Variants in NOP14 observed in about 807,000 individuals in gnomAD.
NOP14 encodes NOP14 nucleolar protein.
NOP14 carries 57 observed loss-of-function variants against 101.6 expected under a neutral mutation model. That is an observed-to-expected ratio of 0.56 (90% confidence interval 0.45 to 0.70). The LOEUF is 0.70. NOP14 is among the 30% of genes least tolerant of loss of function. NOP14 has a pLI of 0.00. For missense variants in NOP14, 1,134 were observed against 1,075.5 expected, an observed-to-expected ratio of 1.05 and a Z score of -0.76; for synonymous variants, 428 against 424.0, an observed-to-expected ratio of 1.01 and a Z score of -0.12.
In NOP14 at chr4:2,947,537, A is replaced by T. The variant is rs777009233; in HGVS notation, c.1488T>A (p.Asp496Glu). The T allele has an allele frequency of 1.9e-6, 3 of 1,612,776 alleles. No individual in the cohort carries two copies. Among genetic ancestry groups the T allele is most frequent in the Non-Finnish European group, 2.5e-6 (3 of 1,178,764 alleles). The change falls in exon 10 of 18, where the codon GAT becomes GAA. Residue 496 changes from aspartate to glutamate, a missense_variant. Physicochemically the swap from Asp to Glu is conservative, Grantham distance 45. Transcript: ENST00000416614. ...CCATTTTTACTTACACAACCAACTTATCAATGACTGTGAGGTCTGGTGGGT... is the reference window on the plus strand; with the variant it reads ...CCATTTTTACTTACACAACCAACTTTTCAATGACTGTGAGGTCTGGTGGGT... ...TDDPPDLTVI[D>E]KLVVHLYHLC...
At chr4:2,957,528 G>A (rs1428391401) in intron 2 of NOP14, 78 bp downstream of exon 2, 2 of 1,538,638 alleles carry the variant, frequency 1.3e-6, no homozygotes, top group African/African-American at 1.4e-5. Context: ...TGCAAAACAT[G>A]CAGAGTCAGC....
chr4:2,947,744 G>A (rs560941859), intron 9 of NOP14, 133 bp from the exon 10 acceptor site: 9 of 701,396 alleles, frequency 1.3e-5, no homozygotes, highest in Middle Eastern at 2.4e-4. Context: ...TGACAGACAC[G>A]AGCAGCCTTC....
In NOP14 at chr4:2,938,273, A is replaced by G. The variant is rs1713813615; in HGVS notation, c.*558T>C. The G allele has an allele frequency of 4.0e-6, 5 of 1,258,974 alleles. No individual in the cohort carries two copies. The highest frequency in any genetic ancestry group is 2.3e-5 in the Admixed American group (1 of 43,420). 78.0% of individuals were successfully genotyped at this position (1,258,974 alleles called of 1,614,324 possible). A position where few individuals can be genotyped will look rare whatever the true frequency, so the allele number is the denominator to read the frequency against. Reference sequence around the variant, plus strand: ...TGGCTGGGTGCTGTGGCTCACACCTATAATTGGGGGGCCAAGGCAGGTGGA... The same window carrying G: ...TGGCTGGGTGCTGTGGCTCACACCTGTAATTGGGGGGCCAAGGCAGGTGGA... On this transcript the variant is annotated 3_prime_UTR_variant, in exon 18 of 18. Transcript: ENST00000416614.
At chr4:2,939,898 T>C (rs368319039) in intron 15 of NOP14, among the ~76,000 whole-genome samples, 10 of 152,308 alleles carry the variant, frequency 6.6e-5, no homozygotes, top group East Asian at 1.9e-4. Flanking sequence ...GGCTGGCCCC[T>C]GAGAGCACTC....
intron 3 of NOP14, 65 bp downstream of exon 3, chr4:2,956,605 C>T (rs1028148389): frequency 5.4e-6 from 8 of 1,490,336 alleles, no homozygotes; most frequent in Non-Finnish European, 7.2e-6. Context: ...AGCAGAAGGT[C>T]TAACAATGAA....
In NOP14 at chr4:2,952,400, A is replaced by C; in HGVS notation, c.748-3T>G. The stretch of plus-strand genomic sequence containing the variant: ...ACCATCATGTCATATGCATCGGGCT[A>C]AGGTAGAAAGAAGAAATTCTTCATT... On this transcript the variant is annotated splice_region_variant and splice_polypyrimidine_tract_variant and intron_variant, in intron 5 of 17. Transcript: ENST00000416614. 6.3e-7 allele frequency: 1 copy of C among 1,577,994 alleles called. No homozygotes were observed. The highest frequency in any genetic ancestry group is 8.6e-7 in the Non-Finnish European group (1 of 1,164,822).
chr4:2,959,349 C>G lies in NOP14; in HGVS notation c.196-1609G>C, dbSNP rs376282413. Among the ~76,000 whole-genome samples, 3 of 152,132 alleles carry G rather than the reference C, an allele frequency of 2.0e-5. 1 individual carries two copies. Among genetic ancestry groups the G allele is most frequent in the Non-Finnish European group, 4.4e-5 (3 of 68,024 alleles). The stretch of plus-strand genomic sequence containing the variant: ...GGCTCACGCCTGTAATTCCAGCACT[C>G]TGGGAGGCCAAGGCGGGCGGATCAC... On this transcript the variant is annotated intron_variant, in intron 1 of 17. Coordinates refer to ENST00000416614, the MANE Select transcript of NOP14 (RefSeq NM_001291978.2).
At chr4:2,958,465 A>G (rs768710755) in intron 1 of NOP14, among the ~76,000 whole-genome samples, 2 of 152,136 alleles carry the variant, frequency 1.3e-5, no homozygotes, top group African/African-American at 4.8e-5. Flanking sequence ...AACTTCTTCT[A>G]TTTGCTAAGG....
chr4:2,948,496 C>G, intron 8 of NOP14, 88 bp from the exon 9 acceptor site: 1 of 1,106,330 alleles, frequency 9.0e-7, no homozygotes, highest in Non-Finnish European at 1.2e-6. Context: ...GCTCTGTTGC[C>G]CAGGCTGGAG....
chr4:2,950,305 G>T (rs1332998573), intron 7 of NOP14, 92 bp from the exon 8 acceptor site: 1 of 1,369,874 alleles, frequency 7.3e-7, no homozygotes. Context: ...CCCACATCAG[G>T]GCTTTCTACG....
chr4:2,957,838 A>C, intron 1 of NOP14, 98 bp from the exon 2 acceptor site: 1 of 1,238,150 alleles, frequency 8.1e-7, no homozygotes. Flanking sequence ...AGGGCTATGC[A>C]CAGTGATGTC....
rs1055748280 is a variant in NOP14, at chr4:2,938,529, G to A, written c.*302C>T. The A allele has an allele frequency of 3.2e-5, 13 of 402,092 alleles. No homozygotes were observed. The highest frequency in any genetic ancestry group is 1.4e-4 in the African/African-American group (7 of 48,596). 24.9% of individuals were successfully genotyped at this position (402,092 alleles called of 1,614,324 possible). ...CAAAAAAAAAAATTTTTTTTTAAGC[G>A]ACACAGTCTTGCACTGTGGCCGAGG... On this transcript the variant is annotated 3_prime_UTR_variant, in exon 18 of 18. Transcript: ENST00000416614.
rs540479996 is a variant in NOP14 at position 2,953,560 on chromosome 4, G to A, written c.698C>T (p.Ser233Phe). ...GTTCTCTGACTTGGGAGTTTTGTGG[G>A]ACAGGAGAGTCTGAATTTCTTTCCA... ...QDWKEIQTLL[S>F]HKTPKSENRD... Residue 233 changes from serine to phenylalanine, a missense_variant, in exon 5 of 18, where the codon TCC (serine) becomes TTC (phenylalanine). Coordinates refer to ENST00000416614, the MANE Select transcript of NOP14 (RefSeq NM_001291978.2). 20 of 1,614,202 alleles carry A rather than the reference G, an allele frequency of 1.2e-5. No individual in the cohort carries two copies. In the South Asian group the frequency reaches 1.6e-4, roughly 13 times the overall value.
In NOP14 at chr4:2,938,816, T is replaced by G; in HGVS notation, c.*15A>C. On this transcript the variant is annotated 3_prime_UTR_variant, in exon 18 of 18. Coordinates refer to ENST00000416614, the MANE Select transcript of NOP14 (RefSeq NM_001291978.2). ...AGGTAATGTCCAGTTCCTTGCCTTATTTATAAAATGTAATTTATTTTTTGA... is the reference window on the plus strand; with the variant it reads ...AGGTAATGTCCAGTTCCTTGCCTTAGTTATAAAATGTAATTTATTTTTTGA... 6.2e-7 allele frequency: 1 copy of G among 1,601,206 alleles called. No homozygotes were observed. Among genetic ancestry groups the G allele is most frequent in the South Asian group, 1.1e-5 (1 of 90,680 alleles).
intron 1 of NOP14, among the ~76,000 whole-genome samples, chr4:2,959,227 C>T (rs1715539529): frequency 6.6e-6 from 1 of 152,206 alleles, no homozygotes; most frequent in African/African-American, 2.4e-5. Context: ...TCAACTGACA[C>T]ACGCTGAGTT....
rs780203533 is a variant in NOP14, at chr4:2,963,185, G to T, written c.135C>A (p.Gly45=). ...KVNRQKFQIL[G]RKTRHDVGLP... ...GTCCCACGTCGTGGCGCGTCTTCCG[G>T]CCCAGGATCTGGAACTTCTGCCTGT... Residue 45 remains glycine, a synonymous_variant, in exon 1 of 18, where the codon GGC becomes GGA. Transcript: ENST00000416614. 1 of 1,581,734 alleles carries T rather than the reference G, an allele frequency of 6.3e-7. No homozygotes were observed.
intron 12 of NOP14, among the ~76,000 whole-genome samples, chr4:2,944,647 T>C (rs1009622017): frequency 5.3e-5 from 8 of 152,126 alleles, no homozygotes; most frequent in African/African-American, 1.9e-4. Flanking sequence ...CCTCAGGTGA[T>C]CCGCCCGCCT....
chr4:2,946,372 T>A lies in NOP14; in HGVS notation c.1635+40A>T, dbSNP rs201101401. 286 of 1,610,808 alleles carry A rather than the reference T, an allele frequency of 1.8e-4. 2 individuals are homozygous for A. In the East Asian group the frequency reaches 6.3e-3, roughly 36 times the overall value. On this transcript the variant is annotated intron_variant, in intron 11 of 17. Coordinates refer to ENST00000416614, the MANE Select transcript of NOP14 (RefSeq NM_001291978.2). The stretch of plus-strand genomic sequence containing the variant: ...CACCTTCTGTGATGCCAAACAGAAC[T>A]TCTGTGGCAGGGGCAGTGCCTAGAC...
At chr4:2,960,711 A>AATTACATTAATATTAATATG (rs1715693619) in intron 1 of NOP14, among the ~76,000 whole-genome samples, 1 of 128,744 alleles carries the variant, frequency 7.8e-6, no homozygotes. Context: ...ATATTAATAT[A>AATTACATTAATATTAATATG]TTAATATTAT....
Sources: allele counts gnomAD v4.1 joint callset (sites outside exome capture counted in the v4.1 genomes callset), GRCh38; gene constraint gnomAD v4.1.1; transcripts MANE v1.5; gene names NCBI Gene and HGNC (gene_info 2026-07-23, HGNC 2026-07-21).